COL6A5: variants seen among roughly 807,000 people sequenced by gnomAD.
The protein encoded by COL6A5 is collagen type VI alpha 5 chain.
COL6A5 carries 48 observed loss-of-function variants against 65.6 expected under a neutral mutation model. The observed-to-expected ratio is 0.73, with a 90% confidence interval of 0.58 to 0.93. The LOEUF (loss-of-function observed/expected upper bound fraction) is 0.93. Ranked by LOEUF, COL6A5 falls within the 40% of genes least tolerant of loss-of-function variation. The probability of loss-of-function intolerance (pLI) is 0.00; values close to 1 mark genes in which losing one functional copy is unlikely to be tolerated. For synonymous variants in COL6A5, 291 were observed against 322.8 expected (o/e 0.90, Z 1.05); for missense variants, 914 against 928.3 (o/e 0.98, Z 0.20).
At chr3:130,423,775 C>A in intron 28 of COL6A5, 63 bp from the exon 29 acceptor site, 1 of 1,273,216 alleles carries the variant, frequency 7.9e-7, no homozygotes, top group South Asian at 1.4e-5. Context: ...CTTATCGAAA[C>A]TGAAGTAGTC....
chr3:130,460,436 G>A (rs1709676878), intron 5 of COL6A5, among the ~76,000 whole-genome samples: 1 of 152,072 alleles, frequency 6.6e-6, no homozygotes, highest in Admixed American at 6.6e-5. Flanking sequence ...ATGTAAACTG[G>A]GGGTTCAGAA....
At chr3:130,366,209 G>T (rs188871756) in intron 1 of COL6A5, among the ~76,000 whole-genome samples, 1 of 152,242 alleles carries the variant, frequency 6.6e-6, no homozygotes, top group East Asian at 1.9e-4. Context: ...CTTCTATCTA[G>T]GGATGTTTAT....
chr3:130,379,323 C>G, intron 3 of COL6A5, 95 bp from the exon 4 acceptor site: 1 of 1,133,072 alleles, frequency 8.8e-7, no homozygotes, highest in East Asian at 2.6e-5. Flanking sequence ...ATGACTACCT[C>G]TATTCTAACT....
chr3:130,431,659 C>T (rs199785094), exon 1 of COL6A5: 979 of 1,551,456 alleles, frequency 6.3e-4, no homozygotes, highest in Non-Finnish European at 7.7e-4. Context: ...CTATCTCATC[C>T]GCTGGTCTGA....
At chr3:130,451,247 G>T (rs1364975632) in intron 4 of COL6A5, among the ~76,000 whole-genome samples, 3 of 152,162 alleles carry the variant, frequency 2.0e-5, no homozygotes, top group Non-Finnish European at 4.4e-5. Flanking sequence ...CGTAATAAGT[G>T]TTGCACTGAA....
At chr3:130,431,643 C>T (rs1369619269) in exon 1 of COL6A5, 1 of 1,551,522 alleles carries the variant, frequency 6.4e-7, no homozygotes. Flanking sequence ...ATAACTCAGG[C>T]ACCAGCTATC....
In COL6A5 at chr3:130,375,752, G is replaced by A. The variant is rs373854906; in HGVS notation, c.68-485G>A. 2.6e-5 allele frequency among the ~76,000 whole-genome samples: 4 copies of A among 152,088 alleles called. No individual in the cohort carries two copies. In the South Asian group the frequency reaches 6.2e-4, roughly 24 times the overall value. ...CAAACATGTCCTTCTTCACATGGTA[G>A]CAGTAGAGAGAAGTGCCAAGCAAAA... On this transcript the variant is annotated intron_variant and NMD_transcript_variant, in intron 2 of 41. Coordinates refer to the COL6A5 transcript ENST00000312481.
At chr3:130,370,280 A>G (rs1935506276) in intron 1 of COL6A5, among the ~76,000 whole-genome samples, 4 of 152,140 alleles carry the variant, frequency 2.6e-5, no homozygotes, top group Admixed American at 2.6e-4. Flanking sequence ...ATTTTGGAAA[A>G]GCTGGAAATT....
At chr3:130,439,342 TGTG>T (rs1559904101) in intron 1 of COL6A5, among the ~76,000 whole-genome samples, 177 bp from the exon 34 acceptor site, 1 of 4,308 alleles carries the variant, frequency 2.3e-4, no homozygotes, top group East Asian at 0.011. Flanking sequence ...CAGGGGATTG[TGTG>T]TGTGTGTGTG....
At chr3:130,432,695 T>C (rs921310750) in intron 1 of COL6A5, among the ~76,000 whole-genome samples, 1 of 152,154 alleles carries the variant, frequency 6.6e-6, no homozygotes, top group Non-Finnish European at 1.5e-5. Flanking sequence ...CCTCTACTGC[T>C]CTGGTGTTTC....
chr3:130,369,483 G>A (rs1007344863), intron 1 of COL6A5, among the ~76,000 whole-genome samples: 5 of 151,990 alleles, frequency 3.3e-5, no homozygotes, highest in Non-Finnish European at 5.9e-5. Flanking sequence ...CCTCTTAGAG[G>A]GTTGCAAGCT....
intron 5 of COL6A5, among the ~76,000 whole-genome samples, chr3:130,457,211 TA>T (rs1409482836): frequency 6.6e-6 from 1 of 152,044 alleles, no homozygotes; most frequent in Non-Finnish European, 1.5e-5. Context: ...TGGTTTGGTT[TA>T]AAAAGGGGAA....
chr3:130,452,909 A>T (rs1308247767), intron 4 of COL6A5, among the ~76,000 whole-genome samples: 1 of 152,156 alleles, frequency 6.6e-6, no homozygotes, highest in Non-Finnish European at 1.5e-5. Flanking sequence ...CCTTGCTGAG[A>T]AAAAGAATTC....
exon 8 of COL6A5, chr3:130,484,706 C>A (rs866755449): frequency 1.5e-5 from 4 of 262,238 alleles, no homozygotes; most frequent in Middle Eastern, 7.6e-4. Context: ...TAAATTTTAG[C>A]AGCTTTGCTT....
chr3:130,448,641 T>G (rs1420775908), intron 4 of COL6A5, among the ~76,000 whole-genome samples: 1 of 152,108 alleles, frequency 6.6e-6, no homozygotes, highest in Non-Finnish European at 1.5e-5. Flanking sequence ...AATTAATTCT[T>G]TATCAGTGGG....
intron 1 of COL6A5, among the ~76,000 whole-genome samples, chr3:130,357,097 C>G (rs1244901856): frequency 6.6e-6 from 1 of 151,838 alleles, no homozygotes; most frequent in Non-Finnish European, 1.5e-5. Context: ...TTACCATAAT[C>G]CAGACAAAAA....
intron 20 of COL6A5, among the ~76,000 whole-genome samples, chr3:130,413,313 C>G (rs75935321): frequency 0.033 from 4,953 of 151,936 alleles, 176 homozygotes; most frequent in South Asian, 0.084. Context: ...GGCTGTCAGA[C>G]TGGAGCTGGG....
chr3:130,436,906 T>C (rs925163261), intron 1 of COL6A5, among the ~76,000 whole-genome samples: 7 of 152,136 alleles, frequency 4.6e-5, no homozygotes, highest in African/African-American at 1.7e-4. Context: ...CAATGATATG[T>C]CTATCTCTCA....
In COL6A5 at chr3:130,440,170, A is replaced by G. The variant is rs1267804416; in HGVS notation, c.588A>G (p.Lys196=). ...TGTCTCTCTGTGTGTTTTCAGATAA[A>G]TGTTTTCCAAATGCTTGCATTCGAG... The change falls in exon 3 of 8, where the codon AAA becomes AAG. Residue 196 remains lysine, a synonymous_variant. Transcript: ENST00000512836. The G allele has an allele frequency of 8.1e-6, 13 of 1,609,126 alleles. No individual in the cohort carries two copies. In the Admixed American group the frequency reaches 8.4e-5, roughly 10 times the overall value.
Sources: gnomAD v4.1 joint callset for allele counts (sites outside exome capture counted in the v4.1 genomes callset) on GRCh38, gnomAD v4.1.1 for gene constraint, MANE v1.5 for transcripts, NCBI Gene and HGNC (gene_info 2026-07-23, HGNC 2026-07-21) for gene names.